LAMP2: variants seen among roughly 807,000 people sequenced by gnomAD.
LAMP2 encodes lysosome-associated membrane glycoprotein 2.
LAMP2 carries 4 observed loss-of-function variants against 25.6 expected under a neutral mutation model. That is an observed-to-expected ratio of 0.16 (90% CI 0.08 to 0.36). The LOEUF is 0.36. Among genes scored for constraint, LAMP2 ranks in the 10% least tolerant of loss-of-function variants. The pLI is 1.00. For synonymous variants in LAMP2, 108 were observed against 112.7 expected, an observed-to-expected ratio of 0.96 and a Z score of 0.27; for missense variants, 272 against 301.4, an observed-to-expected ratio of 0.90 and a Z score of 0.72.
At chrX:120,442,566 C>G in intron 7 of LAMP2, 33 bp downstream of exon 7, 2 of 1,113,234 alleles carry the variant, frequency 1.8e-6, no homozygotes, top group Non-Finnish European at 2.5e-6. Context: ...GGGTAATCCA[C>G]AGTCTTTTTC....
At chrX:120,455,652 G>T in intron 2 of LAMP2, 82 bp from the exon 3 acceptor site, 1 of 769,768 alleles carries the variant, frequency 1.3e-6, no homozygotes, top group Non-Finnish European at 2.0e-6. Flanking sequence ...TGCCACTTCA[G>T]CCTAAATCAT....
Position 120,455,482 on chromosome X carries a change from T to G in LAMP2, c.272A>C (p.Gln91Pro). Residue 91 changes from glutamine to proline, a missense_variant, in exon 3 of 9, where the codon CAG becomes CCG. Gln to Pro is a moderately conservative substitution (Grantham distance 76). Transcript: ENST00000200639. ...AATCCAGGAAAAGCCAGGTCCGAAC[T>G]GCACTGCTATTTTGGGACCATTCTG... ...DDQNGPKIAV[Q>P]FGPGFSWIAN... 2 of 1,209,801 alleles carry G rather than the reference T, an allele frequency of 1.7e-6. No individual in the cohort carries two copies. Among genetic ancestry groups the G allele is most frequent in the Non-Finnish European group, 2.2e-6 (2 of 893,851 alleles).
chrX:120,458,531 G>A (rs2283738), intron 1 of LAMP2, among the ~76,000 whole-genome samples: 42,026 of 110,215 alleles, frequency 0.38, 5,826 homozygotes, highest in Middle Eastern at 0.47. Context: ...GAGGGTTCTG[G>A]CACACTCTGT....
chrX:120,447,784 C>T (rs758620159), intron 5 of LAMP2, 57 bp downstream of exon 5: 296 of 993,165 alleles, frequency 3.0e-4, no homozygotes, highest in Non-Finnish European at 4.0e-4. Flanking sequence ...AGGTAGGATA[C>T]GCAATATTTG....
intron 1 of LAMP2, among the ~76,000 whole-genome samples, chrX:120,464,747 T>C (rs778835048): frequency 9.0e-6 from 1 of 111,635 alleles, no homozygotes; most frequent in South Asian, 3.7e-4. Flanking sequence ...TTCTTCATAG[T>C]GTTTTTGTTT....
At chrX:120,466,374 G>T (rs1006142977) in intron 1 of LAMP2, among the ~76,000 whole-genome samples, 1 of 112,093 alleles carries the variant, frequency 8.9e-6, no homozygotes, top group African/African-American at 3.2e-5. Flanking sequence ...GATTCAATTG[G>T]CAGGGAACTA....
chrX:120,435,371 A>G (rs1158491584), intron 8 of LAMP2, among the ~76,000 whole-genome samples: 1 of 111,779 alleles, frequency 8.9e-6, no homozygotes, highest in Non-Finnish European at 1.9e-5. Flanking sequence ...GTTAGCTACC[A>G]GGGTAAAAGA....
chrX:120,441,916 T>C (rs2058574319), intron 7 of LAMP2, 22 bp from the exon 8 acceptor site: 4 of 1,185,266 alleles, frequency 3.4e-6, no homozygotes, highest in Non-Finnish European at 4.6e-6. Flanking sequence ...AGAAACAGGT[T>C]AGTAACTTCT....
Position 120,429,789 on chromosome X carries a change from A to T in LAMP2, c.*1534T>A. The stretch of plus-strand genomic sequence containing the variant: ...TAGTTTTGTTGCCCACTTGATATGG[A>T]ACCTCAATGAATTTCACTCCCCTTT... On this transcript the variant is annotated 3_prime_UTR_variant, in exon 9 of 9. Transcript: ENST00000200639. 5 of 754,063 alleles carry T rather than the reference A, an allele frequency of 6.6e-6. No homozygotes were observed. The highest frequency in any genetic ancestry group is 7.8e-6 in the Non-Finnish European group (5 of 639,085). 62.1% of individuals were successfully genotyped at this position (754,063 alleles called of 1,213,427 possible).
chrX:120,459,930 A>G (rs761862763), intron 1 of LAMP2, among the ~76,000 whole-genome samples: 6 of 112,424 alleles, frequency 5.3e-5, no homozygotes, highest in African/African-American at 1.9e-4. Context: ...TGTATGTTAT[A>G]TATGTGTTAC....
chrX:120,436,934 T>C, intron 8 of LAMP2: 1 of 752,709 alleles, frequency 1.3e-6, no homozygotes, highest in Non-Finnish European at 1.6e-6. Flanking sequence ...TGCCATGCAC[T>C]TGTGCTTCCA....
At position 120,436,170 on chromosome X, in the gene LAMP2, A is replaced by ACTCTCT. The variant is rs1232205922; in HGVS notation, c.1094-4714_1094-4709dup. Among the ~76,000 whole-genome samples, 540 of 57,263 alleles carry ACTCTCT rather than the reference A, an allele frequency of 9.4e-3. 4 individuals carry two copies. The highest frequency in any genetic ancestry group is 0.026 in the African/African-American group (517 of 19,810). The allele number at this position is 57,263 out of a possible 115,157, so 49.7% of individuals were successfully genotyped here. A position where few individuals can be genotyped will look rare whatever the true frequency, so the allele number is the denominator to read the frequency against. The stretch of plus-strand genomic sequence containing the variant: ...CACACACACACACACACACACACAC[A>ACTCTCT]CTCTCTCTCTCTCTCTCTGTCTCTC... On this transcript the variant is annotated intron_variant, in intron 8 of 8. Transcript: ENST00000200639.
At chrX:120,469,323 A>C (rs999307628), upstream of LAMP2, 6 of 520,684 alleles carry the variant, frequency 1.2e-5, no homozygotes, top group Admixed American at 1.5e-4. Context: ...AGTGCGAGTC[A>C]TAAGACTAGG....
chrX:120,445,190 G>C (rs2058590733), intron 6 of LAMP2, among the ~76,000 whole-genome samples: 1 of 111,859 alleles, frequency 8.9e-6, no homozygotes, highest in African/African-American at 3.2e-5. Context: ...TGTGCCTGAG[G>C]CTTGCTTTTA....
At chrX:120,437,296 T>G (rs2058549128) in intron 8 of LAMP2, 1 of 720,131 alleles carries the variant, frequency 1.4e-6, no homozygotes, top group Non-Finnish European at 1.6e-6. Flanking sequence ...TGCCTATATA[T>G]GTGTGCATAT....
intron 8 of LAMP2, chrX:120,438,127 G>A: frequency 1.1e-5 from 8 of 700,851 alleles, no homozygotes; most frequent in Non-Finnish European, 1.4e-5. Context: ...AAAGTGCTGG[G>A]ATTACAGGCG....
intron 1 of LAMP2, among the ~76,000 whole-genome samples, chrX:120,458,505 A>G (rs1232949406): frequency 9.0e-6 from 1 of 111,511 alleles, no homozygotes; most frequent in Non-Finnish European, 1.9e-5. Context: ...CGTAAACAAG[A>G]GCTGAGAAAC....
chrX:120,442,573 T>C (rs747147682), intron 7 of LAMP2, 26 bp downstream of exon 7: 5 of 1,159,527 alleles, frequency 4.3e-6, no homozygotes, highest in Non-Finnish European at 5.9e-6. Context: ...CCACAGTCTT[T>C]TTCCCCAGGC....
intron 8 of LAMP2, among the ~76,000 whole-genome samples, chrX:120,435,020 C>T (rs1017782263): frequency 9.0e-6 from 1 of 111,073 alleles, no homozygotes; most frequent in Non-Finnish European, 1.9e-5. Context: ...ATCCCAGCTA[C>T]TTGGGAGGCT....
Sources: allele counts gnomAD v4.1 joint callset (sites outside exome capture counted in the v4.1 genomes callset), GRCh38; gene constraint gnomAD v4.1.1; transcripts MANE v1.5; gene names NCBI Gene and HGNC (gene_info 2026-07-23, HGNC 2026-07-21).